Variants in CHL1 observed in about 807,000 individuals in gnomAD.
CHL1 encodes the protein cell adhesion molecule L1 like.
In CHL1, 96 loss-of-function variants were observed where a neutral mutation model predicts 141.9. The observed-to-expected ratio is 0.68, with a 90% CI of 0.57 to 0.80. The LOEUF is 0.80. Among genes scored for constraint, CHL1 ranks in the 30% least tolerant of loss-of-function variants. CHL1 has a pLI of 0.00. For synonymous variants in CHL1, 613 were observed against 502.2 expected (o/e 1.22, Z -2.95); for missense variants, 1,820 against 1,457.2 (o/e 1.25, Z -4.05).
chr3:338,014 C>A (rs943247095), intron 5 of CHL1, among the ~76,000 whole-genome samples: 1 of 152,170 alleles, frequency 6.6e-6, no homozygotes, highest in Admixed American at 6.5e-5. Flanking sequence ...TATTTCTCCA[C>A]ATCCTCTCCA....
At chr3:198,784 T>C (rs1209651930) in intron 1 of CHL1, among the ~76,000 whole-genome samples, 1 of 152,232 alleles carries the variant, frequency 6.6e-6, no homozygotes, top group Non-Finnish European at 1.5e-5. Context: ...AATTCTGCGT[T>C]TTCTAATTTT....
intron 2 of CHL1, among the ~76,000 whole-genome samples, chr3:269,550 A>C (rs1021022433): frequency 6.6e-6 from 1 of 152,026 alleles, no homozygotes; most frequent in South Asian, 2.1e-4. Context: ...TATGAGATGG[A>C]GTTCTGCTCT....
intron 2 of CHL1, among the ~76,000 whole-genome samples, chr3:253,361 G>C (rs1238593751): frequency 6.6e-6 from 1 of 152,114 alleles, no homozygotes; most frequent in Non-Finnish European, 1.5e-5. Context: ...AATTGATGCT[G>C]AAGTAACAGA....
chr3:297,983 G>T (rs1698355648), intron 2 of CHL1, among the ~76,000 whole-genome samples: 1 of 152,166 alleles, frequency 6.6e-6, no homozygotes, highest in Non-Finnish European at 1.5e-5. Context: ...CAGGGGTAGA[G>T]AATATTAGGT....
At chr3:308,555 T>G (rs1237793994) in intron 2 of CHL1, among the ~76,000 whole-genome samples, 6 of 151,324 alleles carry the variant, frequency 4.0e-5, no homozygotes, top group African/African-American at 9.7e-5. Context: ...TAAACATAGA[T>G]AGTCATATAA....
At chr3:252,439 A>G (rs1353489718) in intron 2 of CHL1, among the ~76,000 whole-genome samples, 2 of 132,786 alleles carry the variant, frequency 1.5e-5, no homozygotes, top group Admixed American at 8.4e-5. Flanking sequence ...TCATGTTTTG[A>G]TTAATAAATA....
intron 2 of CHL1, among the ~76,000 whole-genome samples, chr3:304,342 T>C (rs1432883724): frequency 6.6e-6 from 1 of 152,212 alleles, no homozygotes; most frequent in Non-Finnish European, 1.5e-5. Context: ...GTACCTCTGG[T>C]AGAATACGGC....
chr3:277,194 G>A (rs1316313886), intron 2 of CHL1, among the ~76,000 whole-genome samples: 1 of 152,010 alleles, frequency 6.6e-6, no homozygotes, highest in African/African-American at 2.4e-5. Context: ...AATGCTTATA[G>A]ATTTTTTTTA....
intron 10 of CHL1, among the ~76,000 whole-genome samples, chr3:353,232 G>C (rs537590776): frequency 1.3e-5 from 2 of 151,960 alleles, no homozygotes; most frequent in Non-Finnish European, 2.9e-5. Flanking sequence ...TTCTGCATAC[G>C]TTGAAAGCAA....
rs558431978 is a variant in CHL1, at chr3:241,366, T to C, written c.-174-3247T>C. On this transcript the variant is annotated intron_variant, in intron 1 of 27. Transcript: ENST00000256509. ...AGTCATAGGTTTGATGTAGAGGGTATGTTGTGTGAAAAGTACTACTTTGAA... is the reference window on the plus strand; with the variant it reads ...AGTCATAGGTTTGATGTAGAGGGTACGTTGTGTGAAAAGTACTACTTTGAA... 7.5e-4 allele frequency among the ~76,000 whole-genome samples: 114 copies of C among 152,278 alleles called. 2 individuals are homozygous for C. In the South Asian group the frequency reaches 0.023, roughly 31 times the overall value.
At chr3:299,933 C>T (rs1200990948) in intron 2 of CHL1, among the ~76,000 whole-genome samples, 2 of 152,156 alleles carry the variant, frequency 1.3e-5, no homozygotes, top group Non-Finnish European at 2.9e-5. Context: ...ATTGCAGCTC[C>T]TGGCACCTCT....
chr3:394,966 C>T (rs1420781483), intron 24 of CHL1, 94 bp downstream of exon 24: 3 of 1,037,218 alleles, frequency 2.9e-6, no homozygotes, highest in Non-Finnish European at 4.1e-6. Context: ...CCGTGCCAGT[C>T]ATTGTAAATT....
At chr3:239,654 G>C (rs1574823025) in intron 1 of CHL1, among the ~76,000 whole-genome samples, 3 of 150,542 alleles carry the variant, frequency 2.0e-5, no homozygotes, top group African/African-American at 7.3e-5. Context: ...GTGGTATTTG[G>C]TTGCGTAAGT....
At chr3:235,046 C>T (rs899813787) in intron 1 of CHL1, among the ~76,000 whole-genome samples, 3 of 151,180 alleles carry the variant, frequency 2.0e-5, no homozygotes, top group African/African-American at 7.3e-5. Context: ...GGTACATGTG[C>T]ACATTGTGCA....
chr3:383,833 C>G lies in CHL1; in HGVS notation c.2194C>G (p.Gln732Glu), dbSNP rs1208680150. 6.2e-7 allele frequency: 1 copy of G among 1,609,754 alleles called. No homozygotes were observed. The highest frequency in any genetic ancestry group is 8.5e-7 in the Non-Finnish European group (1 of 1,177,614). ...TPPAAPDRNP[Q>E]NIRVQASQPK... ...TTTTTCAGCTCCAGATAGGAATCCA[C>G]AAAACATAAGGGTTCAAGCCTCTCA... Residue 732 changes from glutamine to glutamate, a missense_variant, in exon 19 of 28, where the codon CAA becomes GAA. Coordinates refer to ENST00000256509, the MANE Select transcript of CHL1 (RefSeq NM_006614.4).
At chr3:399,773 G>T (rs898483728) in intron 26 of CHL1, among the ~76,000 whole-genome samples, 11 of 152,192 alleles carry the variant, frequency 7.2e-5, no homozygotes, top group Admixed American at 1.3e-4. Flanking sequence ...AGTGTTTTAA[G>T]AAGTGACCCA....
At chr3:322,815 G>T (rs974396236) in intron 3 of CHL1, among the ~76,000 whole-genome samples, 1 of 150,832 alleles carries the variant, frequency 6.6e-6, no homozygotes, top group African/African-American at 2.4e-5. Flanking sequence ...CTACATTCCA[G>T]CCTGGCACTG....
At chr3:343,325 A>T (rs963065063) in intron 8 of CHL1, among the ~76,000 whole-genome samples, 1 of 152,156 alleles carries the variant, frequency 6.6e-6, no homozygotes, top group African/African-American at 2.4e-5. Flanking sequence ...AACGTCTCTT[A>T]TGGTATATAA....
intron 1 of CHL1, among the ~76,000 whole-genome samples, chr3:235,536 T>C (rs17264828): frequency 0.14 from 21,857 of 152,142 alleles, 1,798 homozygotes; most frequent in Middle Eastern, 0.27. Flanking sequence ...TGCCCACAAT[T>C]AACTGGTGTG....
Sources: allele counts gnomAD v4.1 joint callset (sites outside exome capture counted in the v4.1 genomes callset), GRCh38; gene constraint gnomAD v4.1.1; transcripts MANE v1.5; gene names NCBI Gene and HGNC (gene_info 2026-07-23, HGNC 2026-07-21).